ABCB4: variants seen among roughly 807,000 people sequenced by gnomAD.
ABCB4 encodes the protein phosphatidylcholine translocator ABCB4.
A neutral mutation model predicts 145.7 loss-of-function variants in ABCB4; 76 were observed. The ratio of observed to expected loss-of-function variants is 0.52; its 90% CI spans 0.43 to 0.63. ABCB4 has a LOEUF of 0.63. Among genes scored for constraint, ABCB4 ranks in the 30% least tolerant of loss-of-function variants. The pLI, the probability that ABCB4 is intolerant of heterozygous loss-of-function variation, is 0.00. For missense variants in ABCB4, 1,234 were observed against 1,553.1 expected, an observed-to-expected ratio of 0.79 and a Z score of 3.45; for synonymous variants, 517 against 566.8, an observed-to-expected ratio of 0.91 and a Z score of 1.25.
At chr7:87,416,360 C>T (rs570285340) in intron 21 of ABCB4, among the ~76,000 whole-genome samples, 1 of 152,362 alleles carries the variant, frequency 6.6e-6, no homozygotes, top group South Asian at 2.1e-4. Context: ...GAGATACTGT[C>T]TGTTCCACTT....
intron 19 of ABCB4, 119 bp from the exon 20 acceptor site, chr7:87,418,739 A>T: frequency 1.1e-6 from 1 of 892,194 alleles, no homozygotes; most frequent in Non-Finnish European, 1.8e-6. Flanking sequence ...TATGCAGTGT[A>T]GAGTCCCTGG....
intron 4 of ABCB4, among the ~76,000 whole-genome samples, chr7:87,461,464 C>T (rs964588434): frequency 6.6e-6 from 1 of 152,152 alleles, no homozygotes; most frequent in Admixed American, 6.5e-5. Flanking sequence ...GTTATTTGCC[C>T]TCTCCAAGCC....
At chr7:87,393,714 CTA>C in the ABCB4 span, among the ~76,000 whole-genome samples, 1 of 152,194 alleles carries the variant, frequency 6.6e-6, no homozygotes, top group South Asian at 2.1e-4. Context: ...ACATTTAGCA[CTA>C]TGTGAATAAG....
At chr7:87,415,329 G>A (rs779049653) in intron 21 of ABCB4, among the ~76,000 whole-genome samples, 14 of 71,970 alleles carry the variant, frequency 1.9e-4, no homozygotes, top group Non-Finnish European at 3.5e-4. Flanking sequence ...CCAGGTAAAT[G>A]AGAGTGTTTC....
At chr7:87,384,029 A>T in the ABCB4 span, among the ~76,000 whole-genome samples, 1 of 151,912 alleles carries the variant, frequency 6.6e-6, no homozygotes, top group Non-Finnish European at 1.5e-5. Flanking sequence ...ACTAATTTAC[A>T]TTTCCACCAA....
At chr7:87,473,838 A>G (rs894361273) in intron 2 of ABCB4, among the ~76,000 whole-genome samples, 15 of 152,184 alleles carry the variant, frequency 9.9e-5, no homozygotes, top group African/African-American at 3.6e-4. Context: ...ATGATTCCAA[A>G]TTATGTAAAG....
chr7:87,453,365 G>A (rs1288116474), intron 5 of ABCB4, among the ~76,000 whole-genome samples: 1 of 151,940 alleles, frequency 6.6e-6, no homozygotes, highest in Non-Finnish European at 1.5e-5. Flanking sequence ...TGTATTTTTA[G>A]TGGAGATGGG....
chr7:87,443,899 A>T (rs1811165195), intron 10 of ABCB4, 126 bp from the exon 11 acceptor site: 1 of 723,334 alleles, frequency 1.4e-6, no homozygotes. Context: ...CATAAGAAAA[A>T]CCCAAGATGA....
rs1813131969 is a variant in ABCB4, at chr7:87,468,895, C to G, written c.135+3726G>C. On this transcript the variant is annotated intron_variant, in intron 3 of 27. Coordinates refer to ENST00000649586, the MANE Select transcript of ABCB4 (RefSeq NM_000443.4). ...GCAGTGAGCCCAGATAGCGCCACTACAGTCCGGCCTGGGCGAAACAGCGCA... is the reference window on the plus strand; with the variant it reads ...GCAGTGAGCCCAGATAGCGCCACTAGAGTCCGGCCTGGGCGAAACAGCGCA... Among the ~76,000 whole-genome samples the G allele has an allele frequency of 2.4e-5, 3 of 124,268 alleles. No individual in the cohort carries two copies. In the South Asian group the frequency reaches 7.9e-4, roughly 33 times the overall value. The allele number at this position is 124,268 out of a possible 152,430, so 81.5% of individuals were successfully genotyped here.
chr7:87,457,511 T>C (rs1375771718), intron 4 of ABCB4, among the ~76,000 whole-genome samples: 9 of 152,252 alleles, frequency 5.9e-5, no homozygotes, highest in Admixed American at 5.9e-4. Flanking sequence ...GGGGAACTCC[T>C]GAAGCTGCCT....
At chr7:87,466,504 A>G (rs1270739046) in intron 3 of ABCB4, among the ~76,000 whole-genome samples, 9 of 152,246 alleles carry the variant, frequency 5.9e-5, no homozygotes, top group Admixed American at 5.2e-4. Context: ...AACTTCCCCA[A>G]TCTAGCAAGG....
At chr7:87,399,789 C>CTGTT (rs1807701675), downstream of ABCB4, 1 of 152,060 alleles carries the variant, frequency 6.6e-6, no homozygotes. Flanking sequence ...TGATTCATTC[C>CTGTT]TGTTTGCTTT....
chr7:87,422,405 A>G (rs766396047), intron 17 of ABCB4, among the ~76,000 whole-genome samples, 180 bp from the exon 18 acceptor site: 55 of 152,206 alleles, frequency 3.6e-4, no homozygotes, highest in Non-Finnish European at 5.7e-4. Flanking sequence ...TTTTAAGTGT[A>G]TAATTCAGTG....
chr7:87,402,802 C>T (rs918878204), intron 27 of ABCB4, among the ~76,000 whole-genome samples: 2 of 152,224 alleles, frequency 1.3e-5, no homozygotes, highest in East Asian at 1.9e-4. Flanking sequence ...GATTCGAGAC[C>T]AGCCTGGCCA....
intron 14 of ABCB4, among the ~76,000 whole-genome samples, chr7:87,433,110 T>C (rs897711168): frequency 6.6e-6 from 1 of 152,166 alleles, no homozygotes; most frequent in Non-Finnish European, 1.5e-5. Flanking sequence ...GTACTACCTA[T>C]TGGTAAAGAA....
At chr7:87,449,199 G>A (rs1340520418) in intron 8 of ABCB4, among the ~76,000 whole-genome samples, 2 of 152,204 alleles carry the variant, frequency 1.3e-5, no homozygotes, top group Non-Finnish European at 2.9e-5. Context: ...GAATGCCAGA[G>A]GCCTGGGTGG....
intron 26 of ABCB4, among the ~76,000 whole-genome samples, chr7:87,403,762 CGCAG>C (rs1393951160): frequency 1.3e-5 from 2 of 152,118 alleles, no homozygotes; most frequent in African/African-American, 4.8e-5. Context: ...CTGTGGTATA[CGCAG>C]TCTGTCATTG....
At chr7:87,475,049 A>G (rs1813702184) in intron 2 of ABCB4, among the ~76,000 whole-genome samples, 1 of 152,202 alleles carries the variant, frequency 6.6e-6, no homozygotes, top group Admixed American at 6.5e-5. Flanking sequence ...GATGATGTAT[A>G]TGAAAGTCAT....
chr7:87,381,437 G>A, the ABCB4 span, among the ~76,000 whole-genome samples: 3 of 152,040 alleles, frequency 2.0e-5, no homozygotes, highest in Non-Finnish European at 2.9e-5. Context: ...AACACAAAAT[G>A]GTTATGCTTT....
Sources: allele counts gnomAD v4.1 joint callset (sites outside exome capture counted in the v4.1 genomes callset), GRCh38; gene constraint gnomAD v4.1.1; transcripts MANE v1.5; gene names NCBI Gene and HGNC (gene_info 2026-07-23, HGNC 2026-07-21).